PLSCR5: variants seen among roughly 807,000 people sequenced by gnomAD.
PLSCR5 encodes the protein phospholipid scramblase family member 5, also known as phospholipid scramblase family, member 5.
In PLSCR5, 44 loss-of-function variants were observed where a neutral mutation model predicts 33.6. That is an observed-to-expected ratio of 1.31 (90% CI 1.03 to 1.69). The LOEUF is 1.69. PLSCR5 is among the 40% of genes most tolerant of loss of function. The probability of loss-of-function intolerance (pLI) is 0.00; values close to 1 mark genes in which losing one functional copy is unlikely to be tolerated. For missense variants in PLSCR5, 375 were observed against 318.7 expected (o/e 1.18, Z -1.34); for synonymous variants, 148 against 112.3 (o/e 1.32, Z -2.01).
At chr3:146,577,571 A>G (rs886451863) in intron 7 of PLSCR5, among the ~76,000 whole-genome samples, 8 of 152,122 alleles carry the variant, frequency 5.3e-5, no homozygotes, top group Non-Finnish European at 1.0e-4. Flanking sequence ...AATGTTACTC[A>G]GTTTCCTTAG....
intron 6 of PLSCR5, among the ~76,000 whole-genome samples, chr3:146,589,392 G>C (rs780042625): frequency 3.9e-5 from 6 of 152,086 alleles, no homozygotes; most frequent in Non-Finnish European, 8.8e-5. Context: ...GGGAAACTAG[G>C]TTTTAAAGAA....
Position 146,591,600 on chromosome 3 carries a change from A to T in PLSCR5, c.615+120T>A, listed in dbSNP as rs149300132. On this transcript the variant is annotated intron_variant, in intron 5 of 7. Transcript: ENST00000443512. ...ATATGGGCTGATTACATTATATTAC[A>T]AATATGTCATTTTCTGAACTTATTT... The T allele has an allele frequency of 5.7e-5, 65 of 1,143,000 alleles. No homozygotes were observed. In the African/African-American group the frequency reaches 8.5e-4, roughly 15 times the overall value. The allele number at this position is 1,143,000 out of a possible 1,614,324, so 70.8% of individuals were successfully genotyped here.
chr3:146,595,214 G>A, intron 2 of PLSCR5, 131 bp from the exon 3 acceptor site: 1 of 430,754 alleles, frequency 2.3e-6, no homozygotes, highest in South Asian at 1.1e-4. Flanking sequence ...TAGGAAAACA[G>A]TTGAAAATAT....
At chr3:146,582,493 T>C (rs1052565185), downstream of PLSCR5, among the ~76,000 whole-genome samples, 1 of 152,190 alleles carries the variant, frequency 6.6e-6, no homozygotes, top group Non-Finnish European at 1.5e-5. Context: ...AAAGCCTCTG[T>C]ATTCAACTGT....
intron 6 of PLSCR5, among the ~76,000 whole-genome samples, chr3:146,588,266 C>G (rs896452280): frequency 6.6e-6 from 1 of 151,974 alleles, no homozygotes; most frequent in Non-Finnish European, 1.5e-5. Context: ...GTCAGAAGAT[C>G]GAGACCATCC....
intron 1 of PLSCR5, among the ~76,000 whole-genome samples, chr3:146,600,916 C>T (rs1001559545): frequency 9.5e-5 from 14 of 147,590 alleles, no homozygotes; most frequent in African/African-American, 2.7e-4. Context: ...ACATACAAAT[C>T]GATGTTACTT....
intron 6 of PLSCR5, among the ~76,000 whole-genome samples, chr3:146,587,918 G>C (rs1419318238): frequency 6.6e-6 from 1 of 151,638 alleles, no homozygotes; most frequent in African/African-American, 2.4e-5. Flanking sequence ...ATTAAATTCT[G>C]AGTTTCAGTG....
At chr3:146,595,004 AG>A in intron 3 of PLSCR5, 36 bp downstream of exon 3, 1 of 1,236,948 alleles carries the variant, frequency 8.1e-7, no homozygotes, top group East Asian at 3.0e-5. Context: ...TATTTTCAAT[AG>A]TTTTAATAAA....
At chr3:146,604,910 A>C (rs2107862517) in intron 1 of PLSCR5, among the ~76,000 whole-genome samples, 1 of 152,280 alleles carries the variant, frequency 6.6e-6, no homozygotes, top group South Asian at 2.1e-4. Context: ...TTAACATTGA[A>C]GATTCCCATT....
At chr3:146,587,573 T>C (rs1278627496) in intron 6 of PLSCR5, among the ~76,000 whole-genome samples, 1 of 151,828 alleles carries the variant, frequency 6.6e-6, no homozygotes, top group Non-Finnish European at 1.5e-5. Flanking sequence ...GTCAGAATGA[T>C]CAAAGATGGG....
exon 8 of PLSCR5, chr3:146,576,580 A>G (rs1413968202): frequency 1.3e-5 from 2 of 152,018 alleles, no homozygotes; most frequent in Non-Finnish European, 2.9e-5. Context: ...TAATTTTTAT[A>G]TTTCTCATTT....
intron 6 of PLSCR5, 100 bp downstream of exon 6, chr3:146,589,553 C>A: frequency 8.7e-7 from 1 of 1,155,740 alleles, no homozygotes; most frequent in Non-Finnish European, 1.2e-6. Context: ...AAAATATACT[C>A]TTTGGGGGTA....
At chr3:146,586,946 G>A (rs552021863) in intron 6 of PLSCR5, among the ~76,000 whole-genome samples, 3 of 152,110 alleles carry the variant, frequency 2.0e-5, no homozygotes, top group Non-Finnish European at 4.4e-5. Context: ...GCAAAAAAAG[G>A]CAAATGTTTT....
Position 146,594,977 on chromosome 3 carries a change from A to T in PLSCR5, c.232+64T>A, listed in dbSNP as rs545649835. ...TTATAACATATTTAGATGCAAAGAAACTTCTGAAAACTAAAATATTTTCAA... is the reference window on the plus strand; with the variant it reads ...TTATAACATATTTAGATGCAAAGAATCTTCTGAAAACTAAAATATTTTCAA... On this transcript the variant is annotated intron_variant, in intron 3 of 7. Coordinates refer to ENST00000443512, the MANE Select transcript of PLSCR5 (RefSeq NM_001085420.2). 4.4e-5 allele frequency: 45 copies of T among 1,024,938 alleles called. 1 individual carries two copies. In the South Asian group the frequency reaches 1.1e-3, roughly 24 times the overall value. The allele number at this position is 1,024,938 out of a possible 1,614,324, so 63.5% of individuals were successfully genotyped here. A position where few individuals can be genotyped will look rare whatever the true frequency, so the allele number is the denominator to read the frequency against.
At chr3:146,583,735 T>C (rs993924196), downstream of PLSCR5, among the ~76,000 whole-genome samples, 2 of 152,194 alleles carry the variant, frequency 1.3e-5, no homozygotes, top group African/African-American at 2.4e-5. Flanking sequence ...TAAGAAGGAT[T>C]TTAATCTTTA....
chr3:146,586,332 T>C (rs1477995859), intron 6 of PLSCR5, among the ~76,000 whole-genome samples: 1 of 152,202 alleles, frequency 6.6e-6, no homozygotes, highest in East Asian at 1.9e-4. Context: ...AAACCCTATC[T>C]GAATCTGCAT....
chr3:146,590,902 C>T (rs918217256), intron 5 of PLSCR5, among the ~76,000 whole-genome samples: 1 of 151,830 alleles, frequency 6.6e-6, no homozygotes, highest in Admixed American at 6.6e-5. Flanking sequence ...CCAGGACAAC[C>T]TGTTAAGATA....
At chr3:146,597,434 A>G (rs148585584) in intron 2 of PLSCR5, among the ~76,000 whole-genome samples, 1 of 152,172 alleles carries the variant, frequency 6.6e-6, no homozygotes, top group Admixed American at 6.6e-5. Context: ...CTTTACGGAC[A>G]TCACTACGCT....
intron 2 of PLSCR5, among the ~76,000 whole-genome samples, chr3:146,599,679 CT>C (rs34180865): frequency 0.58 from 80,120 of 139,038 alleles, 22,633 homozygotes; most frequent in African/African-American, 0.59. Context: ...CTTTTCTTTT[CT>C]TTTTTTTTTT....
Sources: allele counts gnomAD v4.1 joint callset (sites outside exome capture counted in the v4.1 genomes callset), GRCh38; gene constraint gnomAD v4.1.1; transcripts MANE v1.5; gene names NCBI Gene and HGNC (gene_info 2026-07-23, HGNC 2026-07-21).